GLIS3: variants seen among roughly 807,000 people sequenced by gnomAD.
GLIS3 encodes zinc finger protein GLIS3.
In GLIS3, 53 loss-of-function variants were observed where a neutral mutation model predicts 78.6. The ratio of observed to expected loss-of-function variants is 0.67; its 90% confidence interval spans 0.54 to 0.85. GLIS3 has a LOEUF of 0.85. Ranked by LOEUF, GLIS3 falls within the 40% of genes least tolerant of loss-of-function variation. GLIS3 has a pLI of 0.00. For synonymous variants in GLIS3, 684 were observed against 509.9 expected (o/e 1.34, Z -4.60); for missense variants, 1,703 against 1,231.1 (o/e 1.38, Z -5.74).
chr9:3,850,746 C>T (rs1477865362), intron 9 of GLIS3, among the ~76,000 whole-genome samples: 1 of 152,178 alleles, frequency 6.6e-6, no homozygotes, highest in Non-Finnish European at 1.5e-5. Context: ...CTCCTCTACT[C>T]CACACCTTAA....
intron 2 of GLIS3, among the ~76,000 whole-genome samples, chr9:4,256,212 G>A (rs1267834358): frequency 1.3e-5 from 2 of 152,010 alleles, no homozygotes; most frequent in African/African-American, 2.4e-5. Flanking sequence ...AATAAGAGAG[G>A]CAATATTTAA....
chr9:4,387,220 C>A, the GLIS3 span, among the ~76,000 whole-genome samples: 1 of 152,196 alleles, frequency 6.6e-6, no homozygotes, highest in African/African-American at 2.4e-5. Context: ...AAAGTCTTAG[C>A]ATGAGCAATT....
intron 9 of GLIS3, among the ~76,000 whole-genome samples, chr9:3,841,352 C>A (rs544105571): frequency 1.3e-5 from 2 of 152,276 alleles, no homozygotes; most frequent in South Asian, 2.1e-4. Flanking sequence ...ACCAAGAACT[C>A]CTGAGGGTCC....
chr9:4,198,780 T>C (rs111601851), intron 2 of GLIS3, among the ~76,000 whole-genome samples: 3 of 151,996 alleles, frequency 2.0e-5, no homozygotes, highest in Non-Finnish European at 4.4e-5. Flanking sequence ...CCAAGGTCAA[T>C]GCTACAGAAA....
intron 2 of GLIS3, among the ~76,000 whole-genome samples, chr9:4,151,274 G>A (rs1279296028): frequency 6.6e-6 from 1 of 152,152 alleles, no homozygotes; most frequent in South Asian, 2.1e-4. Flanking sequence ...TGACTCTTCA[G>A]GAGAAAAAAG....
chr9:3,839,347 A>AGGAGATTGTGTG (rs1818572374), intron 9 of GLIS3, among the ~76,000 whole-genome samples: 1 of 152,218 alleles, frequency 6.6e-6, no homozygotes, highest in South Asian at 2.1e-4. Context: ...TGAAAACAGC[A>AGGAGATTGTGTG]ATCACACAAT....
At chr9:3,902,897 G>C (rs1193769976) in intron 6 of GLIS3, among the ~76,000 whole-genome samples, 1 of 152,210 alleles carries the variant, frequency 6.6e-6, no homozygotes, top group Non-Finnish European at 1.5e-5. Context: ...AGATCTTTCT[G>C]AAGTAGTGAC....
At chr9:4,156,049 G>C (rs1835020094) in intron 2 of GLIS3, among the ~76,000 whole-genome samples, 1 of 151,912 alleles carries the variant, frequency 6.6e-6, no homozygotes. Flanking sequence ...CCTCATACCA[G>C]TTTCAGGTGG....
chr9:4,027,895 C>G (rs943517935), intron 4 of GLIS3, among the ~76,000 whole-genome samples: 1 of 152,176 alleles, frequency 6.6e-6, no homozygotes, highest in Non-Finnish European at 1.5e-5. Flanking sequence ...CTTAAACCCC[C>G]TCAGCTTTGT....
intron 4 of GLIS3, among the ~76,000 whole-genome samples, chr9:4,115,147 C>T (rs909828834): frequency 6.6e-6 from 1 of 152,164 alleles, no homozygotes; most frequent in Admixed American, 6.5e-5. Flanking sequence ...GTAGTCATGG[C>T]CACCAAACAC....
At chr9:3,856,809 G>A (rs1047410644) in intron 8 of GLIS3, among the ~76,000 whole-genome samples, 13 of 152,220 alleles carry the variant, frequency 8.5e-5, no homozygotes, top group Admixed American at 2.6e-4. Flanking sequence ...TGTTCCTGAG[G>A]GTATGATAGG....
intron 6 of GLIS3, among the ~76,000 whole-genome samples, chr9:3,914,776 G>C (rs1824389196): frequency 6.6e-6 from 1 of 152,164 alleles, no homozygotes; most frequent in Non-Finnish European, 1.5e-5. Flanking sequence ...ACACAGCCAA[G>C]ATGAGAACCT....
At chr9:4,430,625 GAAC>G in the GLIS3 span, among the ~76,000 whole-genome samples, 1 of 152,200 alleles carries the variant, frequency 6.6e-6, no homozygotes, top group South Asian at 2.1e-4. Flanking sequence ...ATAAATCAAA[GAAC>G]AACTAGCAAG....
chr9:4,193,766 C>T (rs907830745), intron 2 of GLIS3, among the ~76,000 whole-genome samples: 5 of 152,318 alleles, frequency 3.3e-5, no homozygotes, highest in African/African-American at 1.2e-4. Flanking sequence ...GTCTTAGAGG[C>T]AAATGAAAAT....
At chr9:3,970,135 G>A (rs183037820) in intron 4 of GLIS3, among the ~76,000 whole-genome samples, 1 of 152,284 alleles carries the variant, frequency 6.6e-6, no homozygotes, top group East Asian at 1.9e-4. Flanking sequence ...AATTATTAAG[G>A]GTGGTTTTCA....
chr9:3,972,431 G>A (rs1818449167), intron 4 of GLIS3, among the ~76,000 whole-genome samples: 1 of 152,202 alleles, frequency 6.6e-6, no homozygotes, highest in Non-Finnish European at 1.5e-5. Context: ...AGCCTGCAAA[G>A]GCCCTGTGTT....
chr9:4,194,702 T>C (rs7023447), intron 2 of GLIS3, among the ~76,000 whole-genome samples: 2 of 152,140 alleles, frequency 1.3e-5, no homozygotes, highest in African/African-American at 4.8e-5. Context: ...TAAAAGTGAG[T>C]GAAGCCCCAG....
At chr9:3,970,436 C>G (rs866230215) in intron 4 of GLIS3, among the ~76,000 whole-genome samples, 4 of 152,250 alleles carry the variant, frequency 2.6e-5, no homozygotes, top group African/African-American at 9.6e-5. Flanking sequence ...CCTAGACAAT[C>G]TGGGCAAACA....
At chr9:4,438,067 T>C in the GLIS3 span, among the ~76,000 whole-genome samples, 1 of 152,182 alleles carries the variant, frequency 6.6e-6, no homozygotes, top group Non-Finnish European at 1.5e-5. Context: ...TGTTTTTCAA[T>C]GGTCAGCTGT....
Sources: gnomAD v4.1 joint callset for allele counts (sites outside exome capture counted in the v4.1 genomes callset) on GRCh38, gnomAD v4.1.1 for gene constraint, MANE v1.5 for transcripts, NCBI Gene and HGNC (gene_info 2026-07-23, HGNC 2026-07-21) for gene names.